ENO4: variants seen among roughly 807,000 people sequenced by gnomAD.
ENO4 encodes the protein 2-phospho-D-glycerate hydro-lyase.
ENO4 carries 53 observed loss-of-function variants against 63.2 expected under a neutral mutation model. That is an observed-to-expected ratio of 0.84 (90% CI 0.67 to 1.05). The LOEUF is 1.05. Among genes scored for constraint, ENO4 ranks in the 50% least tolerant of loss-of-function variants. ENO4 has a pLI of 0.00. For missense variants in ENO4, 719 were observed against 772.0 expected, an observed-to-expected ratio of 0.93 and a Z score of 0.81; for synonymous variants, 266 against 283.8, an observed-to-expected ratio of 0.94 and a Z score of 0.63.
intron 10 of ENO4, chr10:116,901,340 C>T (rs1315457434): frequency 1.0e-6 from 1 of 984,896 alleles, no homozygotes; most frequent in African/African-American, 1.7e-5. Flanking sequence ...ACATCTTTAA[C>T]TGAAGACTAG....
At chr10:116,877,225 A>G (rs1846863904) in intron 11 of ENO4, among the ~76,000 whole-genome samples, 1 of 152,112 alleles carries the variant, frequency 6.6e-6, no homozygotes, top group Non-Finnish European at 1.5e-5. Context: ...ATTTCCTCCT[A>G]TCATTTACTA....
At chr10:116,853,733 T>A in intron 1 of ENO4, among the ~76,000 whole-genome samples, 1 of 152,276 alleles carries the variant, frequency 6.6e-6, no homozygotes, top group Admixed American at 6.5e-5. Context: ...AGGCACTTAC[T>A]CTGTAACATA....
chr10:116,872,503 ACT>A (rs1349544606), intron 9 of ENO4, among the ~76,000 whole-genome samples: 2 of 151,264 alleles, frequency 1.3e-5, no homozygotes, highest in African/African-American at 4.9e-5. Flanking sequence ...CCCTGCACAC[ACT>A]CTCTCTTGCC....
rs550273624 is a variant in ENO4, at chr10:116,878,805, G to A, written c.1538-486G>A. On this transcript the variant is annotated intron_variant, in intron 11 of 13. Transcript: ENST00000341276. ...TCGCCCAGAGCTGGAGTGCAGTGGCGCGATCTCAGCTCACTGCAAGCTCTG... is the reference window on the plus strand; with the variant it reads ...TCGCCCAGAGCTGGAGTGCAGTGGCACGATCTCAGCTCACTGCAAGCTCTG... Among the ~76,000 whole-genome samples, 48 of 144,972 alleles carry A rather than the reference G, an allele frequency of 3.3e-4. 1 individual carries two copies. Among genetic ancestry groups the A allele is most frequent in the Non-Finnish European group, 6.3e-4 (42 of 66,972 alleles).
At position 116,856,795 on chromosome 10, in the gene ENO4, G is replaced by T. The variant is rs890592456; in HGVS notation, c.485+113G>T. 8 of 883,286 alleles carry T rather than the reference G, an allele frequency of 9.1e-6. No homozygotes were observed. In the South Asian group the frequency reaches 1.5e-4, roughly 17 times the overall value. The allele number at this position is 883,286 out of a possible 1,614,324, so 54.7% of individuals were successfully genotyped here. ...GGCGGGCAGATCACGAGGTCAGGAG[G>T]TCGAGACCACGGTGAAACCCAGTCT... is the stretch of plus-strand genomic sequence containing the variant. On this transcript the variant is annotated intron_variant, in intron 3 of 13. Transcript: ENST00000341276.
downstream of ENO4, chr10:116,911,822 C>T (rs748759201): frequency 1.9e-5 from 31 of 1,612,582 alleles, 1 homozygote; most frequent in South Asian, 1.6e-4. Context: ...ACTGCACTTT[C>T]GCAGCCTTTC....
chr10:116,907,860 T>C (rs1374138292), intron 10 of ENO4: 3 of 517,078 alleles, frequency 5.8e-6, no homozygotes, highest in Non-Finnish European at 1.2e-5. Flanking sequence ...CCAGCCTTTG[T>C]AATGTTTGAA....
chr10:116,862,467 A>T (rs1206714055), intron 6 of ENO4, among the ~76,000 whole-genome samples: 3 of 152,224 alleles, frequency 2.0e-5, no homozygotes, highest in Non-Finnish European at 4.4e-5. Context: ...TCTCAAAAAA[A>T]AAAATAAAAA....
chr10:116,854,413 A>G (rs1268734339), intron 1 of ENO4, among the ~76,000 whole-genome samples: 1 of 151,918 alleles, frequency 6.6e-6, no homozygotes, highest in Non-Finnish European at 1.5e-5. Flanking sequence ...CAAAAGAATT[A>G]GCCAGCCGTT....
chr10:116,905,611 G>A (rs1847938046), intron 10 of ENO4, among the ~76,000 whole-genome samples: 1 of 152,160 alleles, frequency 6.6e-6, no homozygotes, highest in Non-Finnish European at 1.5e-5. Flanking sequence ...CTCTGAACAT[G>A]AGAACTTGAT....
chr10:116,866,510 C>T (rs1846551357), intron 7 of ENO4, among the ~76,000 whole-genome samples: 1 of 152,184 alleles, frequency 6.6e-6, no homozygotes, highest in Non-Finnish European at 1.5e-5. Flanking sequence ...GCACTGGTTT[C>T]CTCATCTGTA....
At chr10:116,849,905 A>G (rs896587493) in intron 1 of ENO4, 174 bp downstream of exon 1, 8 of 774,250 alleles carry the variant, frequency 1.0e-5, no homozygotes, top group African/African-American at 8.6e-5. Context: ...AAGGACACCC[A>G]GGGGTGAAGG....
intron 1 of ENO4, among the ~76,000 whole-genome samples, chr10:116,854,559 TAAAAAAAAAAA>T (rs61238867): frequency 7.6e-6 from 1 of 132,438 alleles, no homozygotes; most frequent in Admixed American, 7.6e-5. Context: ...GACTCTGTCT[TAAAAAAAAAAA>T]AAAAAAAATT....
At chr10:116,859,836 G>A (rs184718138) in intron 4 of ENO4, among the ~76,000 whole-genome samples, 97 of 152,258 alleles carry the variant, frequency 6.4e-4, no homozygotes, top group Non-Finnish European at 9.6e-4. Context: ...GAAAGCACCA[G>A]AACCAGGAAG....
intron 8 of ENO4, among the ~76,000 whole-genome samples, chr10:116,869,742 T>G (rs1350675919): frequency 6.6e-6 from 1 of 150,522 alleles, no homozygotes; most frequent in African/African-American, 2.5e-5. Flanking sequence ...ACATCAGCCT[T>G]CCCTGTAATA....
At chr10:116,852,158 G>A (rs192443726) in intron 1 of ENO4, among the ~76,000 whole-genome samples, 19 of 152,226 alleles carry the variant, frequency 1.2e-4, no homozygotes, top group Non-Finnish European at 2.2e-4. Flanking sequence ...TCTCCTTCCC[G>A]CCCTCATGTG....
chr10:116,868,988 A>G (rs1430315816), intron 8 of ENO4, among the ~76,000 whole-genome samples: 1 of 152,216 alleles, frequency 6.6e-6, no homozygotes, highest in East Asian at 1.9e-4. Context: ...TGGACCCTAT[A>G]GGGGAAGTGT....
intron 1 of ENO4, among the ~76,000 whole-genome samples, chr10:116,851,225 C>A (rs1846074263): frequency 6.6e-6 from 1 of 152,210 alleles, no homozygotes; most frequent in Non-Finnish European, 1.5e-5. Flanking sequence ...GTCACTAATA[C>A]ATAAAATAAT....
chr10:116,899,700 G>A (rs1027160841), intron 10 of ENO4, among the ~76,000 whole-genome samples: 2 of 152,170 alleles, frequency 1.3e-5, no homozygotes, highest in African/African-American at 4.8e-5. Context: ...CAAAATAGAA[G>A]TGTTAACTAC....
Sources: gnomAD v4.1 joint callset for allele counts (sites outside exome capture counted in the v4.1 genomes callset) on GRCh38, gnomAD v4.1.1 for gene constraint, MANE v1.5 for transcripts, NCBI Gene and HGNC (gene_info 2026-07-23, HGNC 2026-07-21) for gene names.